Variants in SDCCAG8 observed in about 807,000 individuals in gnomAD.
SDCCAG8 encodes SHH signaling and ciliogenesis regulator SDCCAG8.
In SDCCAG8, 74 loss-of-function variants were observed where a neutral mutation model predicts 101.8. That is an observed-to-expected ratio of 0.73 (90% CI 0.60 to 0.88). The LOEUF (loss-of-function observed/expected upper bound fraction) is 0.88. Ranked by LOEUF, SDCCAG8 falls within the 40% of genes least tolerant of loss-of-function variation. SDCCAG8 has a pLI of 0.00. For missense variants in SDCCAG8, 787 were observed against 822.6 expected (o/e 0.96, Z 0.53); for synonymous variants, 281 against 292.9 (o/e 0.96, Z 0.41).
intron 16 of SDCCAG8, among the ~76,000 whole-genome samples, chr1:243,478,947 ACT>A (rs1482990662): frequency 9.2e-6 from 1 of 109,114 alleles, no homozygotes; most frequent in African/African-American, 3.7e-5. Context: ...ACAGAGTGAG[ACT>A]CTGTCTCAAA....
At chr1:243,470,464 AT>A (rs889947819) in intron 16 of SDCCAG8, among the ~76,000 whole-genome samples, 4 of 148,834 alleles carry the variant, frequency 2.7e-5, no homozygotes, top group African/African-American at 7.4e-5. Context: ...GGAGAGTAGA[AT>A]TTTTTTTTCC....
At chr1:243,459,375 C>T (rs1354114107) in intron 16 of SDCCAG8, among the ~76,000 whole-genome samples, 4 of 152,202 alleles carry the variant, frequency 2.6e-5, no homozygotes, top group African/African-American at 9.6e-5. Context: ...AGAAGATGGT[C>T]CTGTTGAACC....
chr1:243,367,396 A>C (rs2147871005), intron 12 of SDCCAG8, among the ~76,000 whole-genome samples: 1 of 152,080 alleles, frequency 6.6e-6, no homozygotes, highest in South Asian at 2.1e-4. Flanking sequence ...ATCCTTTTGA[A>C]GTGCTTTCAG....
chr1:243,465,668 C>T (rs1395822245), intron 16 of SDCCAG8, among the ~76,000 whole-genome samples: 3 of 152,108 alleles, frequency 2.0e-5, no homozygotes, highest in Non-Finnish European at 4.4e-5. Flanking sequence ...ATGATAGGAT[C>T]GTTTTTCAGA....
rs1290085357 is a variant in SDCCAG8, at chr1:243,496,472, C to T, written c.2113-3284C>T. The stretch of plus-strand genomic sequence containing the variant: ...CAGTTACAAATGGATGCTTTATTGC[C>T]AGACACACAAGGAACAGGACCACGT... On this transcript the variant is annotated intron_variant, in intron 17 of 17. Transcript: ENST00000366541. Among the ~76,000 whole-genome samples the T allele has an allele frequency of 4.6e-5, 7 of 152,226 alleles. No homozygotes were observed. The South Asian group carries it at 1.2e-3, about 27-fold the overall frequency.
chr1:243,493,776 A>G (rs1176890849), intron 17 of SDCCAG8, among the ~76,000 whole-genome samples: 1 of 151,906 alleles, frequency 6.6e-6, no homozygotes, highest in African/African-American at 2.4e-5. Flanking sequence ...GATCATCGAC[A>G]TTATCTCATT....
intron 13 of SDCCAG8, among the ~76,000 whole-genome samples, chr1:243,402,065 A>G (rs2079433200): frequency 6.6e-6 from 1 of 152,164 alleles, no homozygotes; most frequent in Non-Finnish European, 1.5e-5. Context: ...TGTCCAATAG[A>G]AATACAGAGG....
intron 13 of SDCCAG8, among the ~76,000 whole-genome samples, chr1:243,409,480 C>T (rs1336044915): frequency 6.6e-6 from 1 of 152,112 alleles, no homozygotes; most frequent in Non-Finnish European, 1.5e-5. Flanking sequence ...AATGATTTTG[C>T]AGTAGCAGTG....
chr1:243,314,831 T>A (rs1287701296), intron 8 of SDCCAG8, among the ~76,000 whole-genome samples: 1 of 152,182 alleles, frequency 6.6e-6, no homozygotes, highest in Admixed American at 6.5e-5. Context: ...TGCCTCAGCC[T>A]CCCAAGTAGC....
chr1:243,394,954 G>A lies in SDCCAG8; in HGVS notation c.1616+16091G>A, dbSNP rs1436066821. On this transcript the variant is annotated intron_variant, in intron 13 of 17. Transcript: ENST00000366541. ...TTTGAAAGATAAGATAAGCAATGAC[G>A]CATTAAGCAGGTAAATATTAACGGT... Among the ~76,000 whole-genome samples, 4 of 151,982 alleles carry A rather than the reference G, an allele frequency of 2.6e-5. No individual in the cohort carries two copies. In the East Asian group the frequency reaches 5.8e-4, roughly 22 times the overall value.
intron 13 of SDCCAG8, among the ~76,000 whole-genome samples, chr1:243,397,033 C>A (rs1188681697): frequency 1.3e-5 from 2 of 152,102 alleles, no homozygotes; most frequent in African/African-American, 2.4e-5. Flanking sequence ...CCAGAATAGC[C>A]CTGGCAGAGG....
rs137903012 is a variant in SDCCAG8 at position 243,316,734 on chromosome 1, A to G, written c.930-21A>G. ...ATCGTTTGATCATTTCTTGTTTTGA[A>G]TGTTCTTTTTGTGCTGACAGAGAAA... is the stretch of plus-strand genomic sequence containing the variant. On this transcript the variant is annotated intron_variant, in intron 8 of 17. Transcript: ENST00000366541. 31,195 of 1,613,824 alleles carry G rather than the reference A, an allele frequency of 0.019. 464 individuals carry two copies. Among genetic ancestry groups the G allele is most frequent in the Middle Eastern group, 0.059 (357 of 6,062 alleles).
Position 243,489,110 on chromosome 1 carries a change from G to T in SDCCAG8, c.2082G>T (p.Leu694=). 1 of 1,613,030 alleles carries T rather than the reference G, an allele frequency of 6.2e-7. No individual in the cohort carries two copies. Among genetic ancestry groups the T allele is most frequent in the Non-Finnish European group, 8.5e-7 (1 of 1,179,984 alleles). ...QNQLLLERQS[L]SEEVDRLRTQ... is the part of the protein sequence containing the mutation. ...AGCTTCTCCTGGAGAGGCAGAGCCT[G>T]TCGGAAGAGGTGGACCGGCTGCGGA... The change falls in exon 17 of 18, where the codon CTG becomes CTT. Residue 694 remains leucine, a synonymous_variant. Coordinates refer to ENST00000366541, the MANE Select transcript of SDCCAG8 (RefSeq NM_006642.5).
Position 243,450,846 on chromosome 1 carries a change from A to G in SDCCAG8, c.1985+24288A>G, listed in dbSNP as rs551390171. ...GCTAATATTTGTATTTTTAGTAGAG[A>G]CGGGGTTTCACCATGTTGGCCAGGC... On this transcript the variant is annotated intron_variant, in intron 16 of 17. Coordinates refer to ENST00000366541, the MANE Select transcript of SDCCAG8 (RefSeq NM_006642.5). Among the ~76,000 whole-genome samples, 11 of 152,242 alleles carry G rather than the reference A, an allele frequency of 7.2e-5. No individual in the cohort carries two copies. The East Asian group carries it at 1.9e-3, about 27-fold the overall frequency.
At chr1:243,386,068 C>T (rs182564498) in intron 13 of SDCCAG8, among the ~76,000 whole-genome samples, 1 of 152,360 alleles carries the variant, frequency 6.6e-6, no homozygotes, top group East Asian at 1.9e-4. Flanking sequence ...TTATAGCTAA[C>T]AGCAGTGGCT....
chr1:243,401,693 A>T (rs2079406319), intron 13 of SDCCAG8, among the ~76,000 whole-genome samples: 1 of 152,066 alleles, frequency 6.6e-6, no homozygotes. Context: ...TTTAAATGTG[A>T]ATATGTTTTT....
chr1:243,332,627 A>G (rs1424606767), intron 10 of SDCCAG8, among the ~76,000 whole-genome samples: 2 of 140,042 alleles, frequency 1.4e-5, no homozygotes, highest in African/African-American at 5.5e-5. Flanking sequence ...GGTGATTATC[A>G]CAGACCCGGT....
intron 17 of SDCCAG8, among the ~76,000 whole-genome samples, chr1:243,493,032 G>T (rs1364228212): frequency 4.6e-5 from 7 of 152,138 alleles, no homozygotes; most frequent in Non-Finnish European, 8.8e-5. Flanking sequence ...ACTTGTCCTT[G>T]TGGAGAAACA....
At chr1:243,300,732 C>G (rs769771636) in intron 6 of SDCCAG8, among the ~76,000 whole-genome samples, 3 of 152,172 alleles carry the variant, frequency 2.0e-5, no homozygotes, top group Non-Finnish European at 4.4e-5. Flanking sequence ...CTCTGTGAGG[C>G]CTTCTTTACT....
Sources: allele counts gnomAD v4.1 joint callset (sites outside exome capture counted in the v4.1 genomes callset), GRCh38; gene constraint gnomAD v4.1.1; transcripts MANE v1.5; gene names NCBI Gene and HGNC (gene_info 2026-07-23, HGNC 2026-07-21).